CTNNA2: variants seen among roughly 807,000 people sequenced by gnomAD.
CTNNA2 encodes catenin alpha 2.
A neutral mutation model predicts 101.0 loss-of-function variants in CTNNA2; 42 were observed. That is an observed-to-expected ratio of 0.42 (90% CI 0.32 to 0.54). The LOEUF is 0.54. Ranked by LOEUF, CTNNA2 falls within the 20% of genes least tolerant of loss-of-function variation. CTNNA2 has a pLI of 0.14. For missense variants in CTNNA2, 871 were observed against 1,223.1 expected, an observed-to-expected ratio of 0.71 and a Z score of 4.29; for synonymous variants, 450 against 456.4, an observed-to-expected ratio of 0.99 and a Z score of 0.18.
intron 7 of CTNNA2, among the ~76,000 whole-genome samples, chr2:80,329,061 G>A (rs1671081383): frequency 6.6e-6 from 1 of 152,174 alleles, no homozygotes; most frequent in South Asian, 2.1e-4. Context: ...AGTGCAGTTG[G>A]TATTCCTTTT....
chr2:79,326,045 G>A (rs1282870846), intron 3 of CTNNA2, among the ~76,000 whole-genome samples: 1 of 152,144 alleles, frequency 6.6e-6, no homozygotes, highest in Non-Finnish European at 1.5e-5. Context: ...TTGGGTTTTT[G>A]TAGAGACTAA....
intron 9 of CTNNA2, among the ~76,000 whole-genome samples, chr2:80,518,661 A>G (rs1007065623): frequency 6.6e-6 from 1 of 152,172 alleles, no homozygotes; most frequent in African/African-American, 2.4e-5. Context: ...TGTTGTATAT[A>G]CCATAAAAAC....
chr2:80,197,900 G>C (rs1211367817), intron 7 of CTNNA2, among the ~76,000 whole-genome samples: 2 of 152,088 alleles, frequency 1.3e-5, no homozygotes, highest in Non-Finnish European at 2.9e-5. Flanking sequence ...TAAATTATTT[G>C]GTCTAGAGCT....
chr2:79,461,995 G>T (rs1054678357), intron 4 of CTNNA2, among the ~76,000 whole-genome samples: 1 of 151,766 alleles, frequency 6.6e-6, no homozygotes, highest in Non-Finnish European at 1.5e-5. Context: ...GATTCATACA[G>T]GCAAATGTAC....
At chr2:79,589,601 A>G (rs1393304521) in intron 1 of CTNNA2, among the ~76,000 whole-genome samples, 1 of 152,164 alleles carries the variant, frequency 6.6e-6, no homozygotes, top group African/African-American at 2.4e-5. Flanking sequence ...TATACTTAAT[A>G]TGATAAAGAA....
chr2:79,440,526 GT>G (rs1001400235), intron 4 of CTNNA2, among the ~76,000 whole-genome samples: 3 of 152,054 alleles, frequency 2.0e-5, no homozygotes, highest in Admixed American at 2.0e-4. Flanking sequence ...TTTGTTGTTT[GT>G]TTTCTGAAGG....
intron 7 of CTNNA2, among the ~76,000 whole-genome samples, chr2:80,356,118 A>G (rs1673771047): frequency 6.6e-6 from 1 of 152,096 alleles, no homozygotes; most frequent in South Asian, 2.1e-4. Context: ...AGCAGCCTGC[A>G]GAGCAATAAG....
At chr2:80,202,615 G>A (rs952709899) in intron 7 of CTNNA2, among the ~76,000 whole-genome samples, 3 of 151,712 alleles carry the variant, frequency 2.0e-5, no homozygotes, top group Admixed American at 6.6e-5. Flanking sequence ...AATATTATAA[G>A]GCACTTTGGA....
intron 1 of CTNNA2, among the ~76,000 whole-genome samples, chr2:79,568,253 C>G (rs1311375456): frequency 6.6e-6 from 1 of 152,158 alleles, no homozygotes; most frequent in Non-Finnish European, 1.5e-5. Context: ...ACTGTACTTT[C>G]CTGTACATGC....
At chr2:80,071,226 A>C (rs1259581865) in intron 7 of CTNNA2, among the ~76,000 whole-genome samples, 1 of 152,204 alleles carries the variant, frequency 6.6e-6, no homozygotes, top group African/African-American at 2.4e-5. Context: ...GAAAGAAAAA[A>C]AGTTTTTGAA....
intron 9 of CTNNA2, among the ~76,000 whole-genome samples, chr2:80,438,665 CA>C (rs1481045827): frequency 8.5e-5 from 13 of 152,158 alleles, no homozygotes; most frequent in Admixed American, 6.5e-5. Flanking sequence ...CTGACTTCAT[CA>C]GGGAGTTCCT....
At chr2:80,277,188 G>A (rs1258008431) in intron 7 of CTNNA2, among the ~76,000 whole-genome samples, 1 of 152,060 alleles carries the variant, frequency 6.6e-6, no homozygotes, top group Admixed American at 6.6e-5. Flanking sequence ...AGGGAGGGGT[G>A]GGGGTGAAAA....
chr2:79,898,435 G>A (rs1291165438), intron 6 of CTNNA2, among the ~76,000 whole-genome samples: 39 of 151,820 alleles, frequency 2.6e-4, no homozygotes, highest in Admixed American at 2.4e-3. Flanking sequence ...GTGCCCGGCC[G>A]GTCTTAGATT....
rs180851006 is a variant in CTNNA2, at chr2:80,525,052, T to C, written c.1291-19930T>C. ...CACCCATCACTGAGCAGTATACACTTTTTTTTTTGTATGACTTCCAGAAGC... is the reference window on the plus strand; with the variant it reads ...CACCCATCACTGAGCAGTATACACTCTTTTTTTTGTATGACTTCCAGAAGC... On this transcript the variant is annotated intron_variant, in intron 9 of 18. Transcript: ENST00000402739. Among the ~76,000 whole-genome samples, 24 of 148,068 alleles carry C rather than the reference T, an allele frequency of 1.6e-4. 1 individual carries two copies. The East Asian group carries it at 3.3e-3, about 20-fold the overall frequency.
chr2:80,562,009 G>T (rs1216882842), intron 12 of CTNNA2, among the ~76,000 whole-genome samples: 2 of 151,968 alleles, frequency 1.3e-5, no homozygotes, highest in African/African-American at 4.8e-5. Context: ...TGTCCAGGAG[G>T]TAGCCAAGTG....
intron 4 of CTNNA2, among the ~76,000 whole-genome samples, chr2:79,868,002 C>T (rs989962945): frequency 2.0e-5 from 3 of 152,102 alleles, no homozygotes; most frequent in Admixed American, 6.5e-5. Context: ...ATCTGAGGTA[C>T]GAGATTCTCT....
intron 7 of CTNNA2, among the ~76,000 whole-genome samples, chr2:80,020,173 G>T (rs1156451075): frequency 6.6e-6 from 1 of 152,130 alleles, no homozygotes; most frequent in Non-Finnish European, 1.5e-5. Context: ...TTCATTTGCG[G>T]TATTGTACAA....
intron 1 of CTNNA2, among the ~76,000 whole-genome samples, chr2:79,192,959 A>G (rs1195340674): frequency 6.6e-6 from 1 of 152,168 alleles, no homozygotes; most frequent in African/African-American, 2.4e-5. Context: ...ACCCAATCAC[A>G]TTCATTTCCT....
intron 7 of CTNNA2, among the ~76,000 whole-genome samples, chr2:80,376,905 A>C (rs539342182): frequency 3.3e-5 from 5 of 152,200 alleles, no homozygotes; most frequent in Non-Finnish European, 7.3e-5. Context: ...GATTACAATC[A>C]TCAGTGAGGT....
Sources: allele counts gnomAD v4.1 joint callset (sites outside exome capture counted in the v4.1 genomes callset), GRCh38; gene constraint gnomAD v4.1.1; transcripts MANE v1.5; gene names NCBI Gene and HGNC (gene_info 2026-07-23, HGNC 2026-07-21).